The following MFHAS1 variants were observed in gnomAD, a reference collection of about 807,000 sequenced individuals.
MFHAS1 encodes multifunctional ROCO family signaling regulator 1.
In MFHAS1, 50 loss-of-function variants were observed where a neutral mutation model predicts 70.4. That is an observed-to-expected ratio of 0.71 (90% CI 0.57 to 0.90). The LOEUF (loss-of-function observed/expected upper bound fraction) is 0.90. Among genes scored for constraint, MFHAS1 ranks in the 40% least tolerant of loss-of-function variants. The pLI is 0.00. For synonymous variants in MFHAS1, 952 were observed against 620.0 expected (o/e 1.54, Z -7.96); for missense variants, 1,795 against 1,347.6 (o/e 1.33, Z -5.20).
At chr8:8,829,514 C>G (rs1462123276) in intron 1 of MFHAS1, among the ~76,000 whole-genome samples, 1 of 152,182 alleles carries the variant, frequency 6.6e-6, no homozygotes, top group East Asian at 1.9e-4. Flanking sequence ...AACCCCATCT[C>G]TACTAAAAAT....
rs771630585 is a variant in MFHAS1, at chr8:8,890,407, A to G, written c.2652T>C (p.Tyr884=). The G allele has an allele frequency of 6.2e-7, 1 of 1,614,072 alleles. No individual in the cohort carries two copies. Among genetic ancestry groups the G allele is most frequent in the Non-Finnish European group, 8.5e-7 (1 of 1,180,032 alleles). The change falls in exon 1 of 3, where the codon TAT becomes TAC. Residue 884 remains tyrosine, a synonymous_variant. Transcript: ENST00000276282. ...SFVAEQLQIE[Y]SFPFTFPLGL... Reference sequence around the variant, plus strand: ...CAAGTGGAAAAGTAAAAGGAAAGCTATATTCAATCTGCAACTGCTCAGCCA... The same window carrying G: ...CAAGTGGAAAAGTAAAAGGAAAGCTGTATTCAATCTGCAACTGCTCAGCCA...
chr8:8,853,006 A>C (rs570641547), intron 1 of MFHAS1, among the ~76,000 whole-genome samples: 4 of 152,244 alleles, frequency 2.6e-5, no homozygotes, highest in Admixed American at 2.6e-4. Context: ...TAAAAAACCC[A>C]ATATCACCCA....
chr8:8,808,907 T>C (rs1181161058), intron 1 of MFHAS1, among the ~76,000 whole-genome samples: 1 of 152,132 alleles, frequency 6.6e-6, no homozygotes, highest in East Asian at 1.9e-4. Flanking sequence ...TACGCGTCCA[T>C]GGGCAGCACA....
At chr8:8,835,089 T>C (rs1022270476) in intron 1 of MFHAS1, among the ~76,000 whole-genome samples, 1 of 152,120 alleles carries the variant, frequency 6.6e-6, no homozygotes, top group Non-Finnish European at 1.5e-5. Flanking sequence ...TATAGGAAGC[T>C]CTCTAATAGG....
In MFHAS1 at chr8:8,890,892, TGA is replaced by T; in HGVS notation, c.2165_2166del (p.Leu722GlnfsTer29). 6.2e-7 allele frequency: 1 copy of T among 1,614,086 alleles called. No individual in the cohort carries two copies. The highest frequency in any genetic ancestry group is 1.1e-5 in the South Asian group (1 of 91,084). On this transcript the variant is annotated frameshift_variant, in exon 1 of 3. Transcript: ENST00000276282. LOFTEE classifies it high-confidence loss of function. ...KLLYFEDSPA[L>X]KEHVFHNLTR... ...GTGAGGTTGTGGAAGACGTGCTCCT[TGA>T]GAGCCGGACTGTCCTCAAAGTAGAG... is the stretch of plus-strand genomic sequence containing the variant.
chr8:8,815,298 G>A (rs1806699982), intron 1 of MFHAS1, among the ~76,000 whole-genome samples: 1 of 152,052 alleles, frequency 6.6e-6, no homozygotes, highest in African/African-American at 2.4e-5. Context: ...CCACGTCTTT[G>A]TTATTGTGAA....
chr8:8,886,880 C>T (rs898423915), intron 1 of MFHAS1, among the ~76,000 whole-genome samples: 2 of 152,326 alleles, frequency 1.3e-5, no homozygotes, highest in East Asian at 3.9e-4. Context: ...AATCCCAGCA[C>T]TTTGCGAGAC....
Position 8,812,616 on chromosome 8 carries a change from G to A in MFHAS1, c.2999-15125C>T, listed in dbSNP as rs141665629. 6.6e-4 allele frequency among the ~76,000 whole-genome samples: 100 copies of A among 152,288 alleles called. 1 individual carries two copies. The highest frequency in any genetic ancestry group is 2.3e-3 in the African/African-American group (96 of 41,538). On this transcript the variant is annotated intron_variant, in intron 1 of 2. Coordinates refer to ENST00000276282, the MANE Select transcript of MFHAS1 (RefSeq NM_004225.3). ...TTTGACTGGGGTTTTTGCCCTAGGT[G>A]TGCAAATGAATATGGTTCCTGTGAC...
intron 1 of MFHAS1, among the ~76,000 whole-genome samples, chr8:8,813,219 T>G (rs1806615598): frequency 1.3e-5 from 2 of 152,242 alleles, no homozygotes; most frequent in African/African-American, 4.8e-5. Flanking sequence ...ATAAACCACC[T>G]ACTTCACTGC....
At chr8:8,886,570 G>C (rs1809760441) in intron 1 of MFHAS1, among the ~76,000 whole-genome samples, 1 of 152,122 alleles carries the variant, frequency 6.6e-6, no homozygotes, top group African/African-American at 2.4e-5. Context: ...AATCCAACAG[G>C]ACAAGGCCAA....
rs971610106 is a variant in MFHAS1 at position 8,837,399 on chromosome 8, G to T, written c.2999-39908C>A. 5.3e-5 allele frequency among the ~76,000 whole-genome samples: 8 copies of T among 152,298 alleles called. No homozygotes were observed. The East Asian group carries it at 1.2e-3, about 22-fold the overall frequency. On this transcript the variant is annotated intron_variant, in intron 1 of 2. Coordinates refer to ENST00000276282, the MANE Select transcript of MFHAS1 (RefSeq NM_004225.3). ...GGCTCACGCCTAATCTCAACACTTT[G>T]GGAGGCAAGGCGGGCGGATCACTTG...
At chr8:8,790,265 T>C in intron 2 of MFHAS1, 3 of 540,818 alleles carry the variant, frequency 5.5e-6, no homozygotes, top group Non-Finnish European at 7.1e-6. Flanking sequence ...CTAATCTCTC[T>C]GAGTCCTCAA....
At chr8:8,885,758 G>A (rs999429730) in intron 1 of MFHAS1, among the ~76,000 whole-genome samples, 2 of 152,234 alleles carry the variant, frequency 1.3e-5, no homozygotes, top group Non-Finnish European at 2.9e-5. Flanking sequence ...CGCCCAGGCT[G>A]GAGCGCAGTG....
In MFHAS1 at chr8:8,802,958, A is replaced by G. The variant is rs561929261; in HGVS notation, c.2999-5467T>C. 2.1e-3 allele frequency among the ~76,000 whole-genome samples: 322 copies of G among 152,314 alleles called. 2 individuals are homozygous for G. Among genetic ancestry groups the G allele is most frequent in the African/African-American group, 7.0e-3 (289 of 41,570 alleles). On this transcript the variant is annotated intron_variant, in intron 1 of 2. Coordinates refer to ENST00000276282, the MANE Select transcript of MFHAS1 (RefSeq NM_004225.3). The stretch of plus-strand genomic sequence containing the variant: ...GAGACTTACCCAAGGTATGCAGGCT[A>G]TCGGTAGATTTGGCAACAATCTTCC...
intron 1 of MFHAS1, among the ~76,000 whole-genome samples, chr8:8,877,526 T>C (rs891844921): frequency 7.9e-5 from 12 of 152,142 alleles, no homozygotes; most frequent in Non-Finnish European, 1.3e-4. Flanking sequence ...CTGGAATACA[T>C]TCCTAGGGAT....
rs181802907 is a variant in MFHAS1, at chr8:8,795,692, G to A, written c.3125+1673C>T. 3.4e-3 allele frequency among the ~76,000 whole-genome samples: 523 copies of A among 152,326 alleles called. 3 individuals carry two copies. Among genetic ancestry groups the A allele is most frequent in the Non-Finnish European group, 5.7e-3 (388 of 68,028 alleles). On this transcript the variant is annotated intron_variant, in intron 2 of 2. Transcript: ENST00000276282. ...AGCTAATGAGTAAGAATGCCACTGG[G>A]AACCCTCGCTTTGCAGGGAGCACAC...
chr8:8,801,576 TC>T (rs1434752405), intron 1 of MFHAS1, among the ~76,000 whole-genome samples: 2 of 152,262 alleles, frequency 1.3e-5, no homozygotes, highest in African/African-American at 4.8e-5. Flanking sequence ...CTTTTTCCTT[TC>T]AAAATGATCT....
chr8:8,857,967 C>T (rs1194941438), intron 1 of MFHAS1, among the ~76,000 whole-genome samples: 1 of 152,146 alleles, frequency 6.6e-6, no homozygotes, highest in African/African-American at 2.4e-5. Context: ...TTTTTCTAAA[C>T]AAATGAGAAA....
intron 1 of MFHAS1, among the ~76,000 whole-genome samples, chr8:8,852,664 G>A (rs1369579078): frequency 6.6e-6 from 1 of 152,174 alleles, no homozygotes; most frequent in Non-Finnish European, 1.5e-5. Flanking sequence ...ATGGCCATTT[G>A]CCATTGATGC....
Sources: gnomAD v4.1 joint callset for allele counts (sites outside exome capture counted in the v4.1 genomes callset) on GRCh38, gnomAD v4.1.1 for gene constraint, MANE v1.5 for transcripts, NCBI Gene and HGNC (gene_info 2026-07-23, HGNC 2026-07-21) for gene names.